ANO6: variants seen among roughly 807,000 people sequenced by gnomAD.
The protein encoded by ANO6 is anoctamin 6, also known as anoctamin-6.
In ANO6, 106 loss-of-function variants were observed where a neutral mutation model predicts 117.5. That is an observed-to-expected ratio of 0.90 (90% CI 0.77 to 1.06). ANO6 has a LOEUF of 1.06. Among genes scored for constraint, ANO6 ranks in the 50% least tolerant of loss-of-function variants. The pLI is 0.00. For synonymous variants in ANO6, 367 were observed against 385.1 expected, an observed-to-expected ratio of 0.95 and a Z score of 0.55; for missense variants, 955 against 1,121.1, an observed-to-expected ratio of 0.85 and a Z score of 2.12.
chr12:45,391,422 A>C (rs1942446854), intron 12 of ANO6, among the ~76,000 whole-genome samples: 1 of 152,258 alleles, frequency 6.6e-6, no homozygotes, highest in Non-Finnish European at 1.5e-5. Context: ...ATAAAAATGT[A>C]ATATGTCAGA....
chr12:45,371,260 G>T (rs1340500825), intron 9 of ANO6, among the ~76,000 whole-genome samples: 2 of 152,192 alleles, frequency 1.3e-5, no homozygotes, highest in Non-Finnish European at 2.9e-5. Context: ...AGATCAAACT[G>T]CAAGGCGGCA....
rs2137741132 is a variant in ANO6, at chr12:45,431,082, ATTGTAGGCTT to A, written c.*1775_*1784del. ...ATTATGTAGGATCCATCAAAGCAGT[ATTGTAGGCTT>A]TTGAATTGTCCCAGTGGATCCGGGA... On this transcript the variant is annotated 3_prime_UTR_variant, in exon 20 of 20. Coordinates refer to ENST00000320560, the MANE Select transcript of ANO6 (RefSeq NM_001025356.3). The A allele has an allele frequency of 1.0e-6, 1 of 985,424 alleles. No homozygotes were observed. Among genetic ancestry groups the A allele is most frequent in the East Asian group, 1.1e-4 (1 of 8,818 alleles). The allele number at this position is 985,424 out of a possible 1,614,324, so 61.0% of individuals were successfully genotyped here. A position where few individuals can be genotyped will look rare whatever the true frequency, so the allele number is the denominator to read the frequency against.
chr12:45,253,026 ACT>A (rs1466473092), intron 1 of ANO6, among the ~76,000 whole-genome samples: 1 of 152,088 alleles, frequency 6.6e-6, no homozygotes, highest in Admixed American at 6.5e-5. Flanking sequence ...TTTCTTGCTT[ACT>A]CTCTGTAGAT....
chr12:45,296,285 A>G (rs960684768), intron 1 of ANO6, among the ~76,000 whole-genome samples: 6 of 152,114 alleles, frequency 3.9e-5, no homozygotes, highest in African/African-American at 1.4e-4. Flanking sequence ...TCTCAAGGTG[A>G]TATGGGCCAT....
At chr12:45,224,978 C>T (rs1421016650) in intron 1 of ANO6, among the ~76,000 whole-genome samples, 4 of 151,978 alleles carry the variant, frequency 2.6e-5, no homozygotes, top group East Asian at 1.9e-4. Flanking sequence ...ATTGCTTGAG[C>T]GAAAGAGTTT....
At chr12:45,313,900 AT>A (rs1344478812) in intron 2 of ANO6, among the ~76,000 whole-genome samples, 9 of 152,188 alleles carry the variant, frequency 5.9e-5, no homozygotes, top group Admixed American at 3.3e-4. Context: ...TTGGAGTAAA[AT>A]TTTCATTAAA....
At chr12:45,439,046 T>C (rs1186423833) in intron 19 of ANO6, among the ~76,000 whole-genome samples, 2 of 152,208 alleles carry the variant, frequency 1.3e-5, no homozygotes, top group East Asian at 3.8e-4. Context: ...GAATGACAGT[T>C]GCTTGCTCAA....
chr12:45,424,008 G>C (rs1943431406), intron 19 of ANO6, among the ~76,000 whole-genome samples: 1 of 151,704 alleles, frequency 6.6e-6, no homozygotes, highest in South Asian at 2.1e-4. Context: ...TGGATTTTTG[G>C]TACTTATACT....
chr12:45,259,268 T>C (rs772627399), intron 1 of ANO6, among the ~76,000 whole-genome samples: 2 of 152,208 alleles, frequency 1.3e-5, no homozygotes, highest in Non-Finnish European at 2.9e-5. Context: ...AGTATGCTTT[T>C]TCCTGGTTTC....
chr12:45,425,897 T>G (rs188114641), intron 19 of ANO6, among the ~76,000 whole-genome samples: 1 of 152,356 alleles, frequency 6.6e-6, no homozygotes, highest in East Asian at 1.9e-4. Context: ...ATGGACATGT[T>G]AATTTGTTCC....
Position 45,241,632 on chromosome 12 carries a change from C to A in ANO6, c.70+25241C>A, listed in dbSNP as rs563607750. ...GCGATCTTTTGGAGGAGAACAGGCGCTCTGGTTTTTAGAATTTTCAGCTTT... is the reference window on the plus strand; with the variant it reads ...GCGATCTTTTGGAGGAGAACAGGCGATCTGGTTTTTAGAATTTTCAGCTTT... On this transcript the variant is annotated intron_variant, in intron 1 of 19. Transcript: ENST00000320560. 3.9e-5 allele frequency among the ~76,000 whole-genome samples: 6 copies of A among 152,322 alleles called. No homozygotes were observed. The East Asian group carries it at 1.2e-3, about 29-fold the overall frequency.
intron 12 of ANO6, among the ~76,000 whole-genome samples, chr12:45,395,070 T>G (rs1942572395): frequency 6.6e-6 from 1 of 152,010 alleles, no homozygotes; most frequent in African/African-American, 2.4e-5. Context: ...TTTGAAAAGA[T>G]CAACAAAACT....
intron 16 of ANO6, among the ~76,000 whole-genome samples, chr12:45,413,302 TG>T (rs1341363659): frequency 2.0e-5 from 3 of 152,130 alleles, no homozygotes; most frequent in Non-Finnish European, 4.4e-5. Flanking sequence ...GAGATGGATT[TG>T]GTAAGTGTTA....
chr12:45,233,337 C>G (rs945273487), intron 1 of ANO6, among the ~76,000 whole-genome samples: 2 of 152,136 alleles, frequency 1.3e-5, no homozygotes, highest in Non-Finnish European at 2.9e-5. Context: ...CAAATTAAAG[C>G]TTGCTTTGTT....
chr12:45,254,864 TG>T (rs1412645579), intron 1 of ANO6, among the ~76,000 whole-genome samples: 1 of 152,242 alleles, frequency 6.6e-6, no homozygotes, highest in East Asian at 1.9e-4. Context: ...TTCCTGGTTC[TG>T]TTGTTTAATT....
chr12:45,369,726 T>C (rs1941775373), intron 9 of ANO6, among the ~76,000 whole-genome samples: 1 of 152,198 alleles, frequency 6.6e-6, no homozygotes, highest in Admixed American at 6.5e-5. Context: ...TACACATCTT[T>C]CTTTTGGAAA....
chr12:45,347,182 C>T, intron 4 of ANO6, 95 bp downstream of exon 4: 1 of 1,157,410 alleles, frequency 8.6e-7, no homozygotes, highest in Non-Finnish European at 1.3e-6. Flanking sequence ...AAACATGCAG[C>T]CCTGGCCACA....
chr12:45,216,119 C>G lies in ANO6; in HGVS notation c.-203C>G, dbSNP rs1042442457. The G allele has an allele frequency of 1.7e-6, 1 of 588,694 alleles. No individual in the cohort carries two copies. The highest frequency in any genetic ancestry group is 1.9e-5 in the African/African-American group (1 of 51,392). The allele number at this position is 588,694 out of a possible 1,614,324, so 36.5% of individuals were successfully genotyped here. A position where few individuals can be genotyped will look rare whatever the true frequency, so the allele number is the denominator to read the frequency against. On this transcript the variant is annotated 5_prime_UTR_variant, in exon 1 of 20. Transcript: ENST00000320560. The stretch of plus-strand genomic sequence containing the variant: ...CAGTCTCCGGGCTCCGCTCGGCAGG[C>G]GAGAGGCGTCCTCCGGCTCTGGGCT...
rs755586644 is a variant in ANO6 at position 45,367,720 on chromosome 12, A to G, written c.1031A>G (p.Lys344Arg). The G allele has an allele frequency of 3.0e-5, 48 of 1,613,328 alleles. No homozygotes were observed. Among genetic ancestry groups the G allele is most frequent in the Non-Finnish European group, 3.9e-5 (46 of 1,179,804 alleles). ...GTTTGTCATCCTGATATTGGTGGCA[A>G]GATCATAATGTGTCCTCAGTGTGAT... is the stretch of plus-strand genomic sequence containing the variant. ...KEVCHPDIGG[K>R]IIMCPQCDRL... Residue 344 changes from lysine to arginine, a missense_variant, in exon 9 of 20, where the codon AAG (lysine) becomes AGG (arginine). Lys to Arg is a conservative substitution (Grantham distance 26). Transcript: ENST00000320560.
Sources: gnomAD v4.1 joint callset for allele counts (sites outside exome capture counted in the v4.1 genomes callset) on GRCh38, gnomAD v4.1.1 for gene constraint, MANE v1.5 for transcripts, NCBI Gene and HGNC (gene_info 2026-07-23, HGNC 2026-07-21) for gene names.